Variants in ZNF200 observed in about 807,000 individuals in gnomAD.
The protein encoded by ZNF200 is zinc finger protein 200.
ZNF200 carries 35 observed loss-of-function variants against 33.6 expected under a neutral mutation model. The observed-to-expected ratio is 1.04, with a 90% CI of 0.80 to 1.38. The LOEUF (loss-of-function observed/expected upper bound fraction) is 1.38, where lower values mean the gene tolerates loss of function less well. ZNF200 is among the 40% of genes most tolerant of loss of function. The pLI, the probability that ZNF200 is intolerant of heterozygous loss-of-function variation, is 0.00. For synonymous variants in ZNF200, 209 were observed against 167.7 expected (o/e 1.25, Z -1.90); for missense variants, 592 against 470.6 (o/e 1.26, Z -2.39).
chr16:3,234,706 T>A (rs1015828469), intron 1 of ZNF200: 2 of 152,278 alleles, frequency 1.3e-5, no homozygotes, highest in African/African-American at 2.4e-5. Flanking sequence ...GGGGAGCAGA[T>A]GCAAGGCCGA....
At chr16:3,233,858 A>G in intron 1 of ZNF200, 22 bp from the exon 2 acceptor site, 7 of 1,502,388 alleles carry the variant, frequency 4.7e-6, no homozygotes, top group Non-Finnish European at 6.2e-6. Context: ...GAAACCAGGG[A>G]TTACCCAAAA....
Position 3,235,081 on chromosome 16 carries a change from G to A in ZNF200, c.-176C>T, listed in dbSNP as rs1958768522. ...AGAAAAACTAGGCGCGAGCGGTCGA[G>A]CCCTCCCCTCGCCCTTCCGAGTGCC... On this transcript the variant is annotated 5_prime_UTR_variant, in exon 1 of 5. Transcript: ENST00000414144. The A allele has an allele frequency of 6.6e-6, 1 of 152,330 alleles. No individual in the cohort carries two copies. The highest frequency in any genetic ancestry group is 1.9e-4 in the East Asian group (1 of 5,164). 9.4% of individuals were successfully genotyped at this position (152,330 alleles called of 1,614,324 possible).
At position 3,233,708 on chromosome 16, in the gene ZNF200, G is replaced by A. The variant is rs777353218; in HGVS notation, c.48C>T (p.Ser16=). The A allele has an allele frequency of 6.2e-7, 1 of 1,613,580 alleles. No homozygotes were observed. Among genetic ancestry groups the A allele is most frequent in the South Asian group, 1.1e-5 (1 of 91,058 alleles). The change falls in exon 2 of 5, where the codon TCC becomes TCT. Residue 16 remains serine (S), a synonymous_variant. Coordinates refer to ENST00000414144, the MANE Select transcript of ZNF200 (RefSeq NM_198088.3). ...AGTCTGGCGGAACTCTCAGTATAAA[G>A]GACTGCTTTGGCTTTGGGGGCATAG... The part of the protein sequence containing the change: ...VVPMPPKPKQ[S]FILRVPPDSK...
chr16:3,233,586 G>C lies in ZNF200; in HGVS notation c.170C>G (p.Pro57Arg), dbSNP rs1958704433. ...TTTCTGACTGGGCTGGACCAGGCTT[G>C]GCTTGGGCAAGAAGGTGAGGAAGTG... The part of the protein sequence containing the change: ...LEHFLTFLPK[P>R]SLVQPSQKVK... Residue 57 changes from proline (P) to arginine (R), a missense_variant, in exon 2 of 5, where the codon CCA becomes CGA. Transcript: ENST00000414144. 3.1e-6 allele frequency: 5 copies of C among 1,612,952 alleles called. No individual in the cohort carries two copies. In the East Asian group the frequency reaches 1.1e-4, roughly 36 times the overall value.
chr16:3,228,537 T>C (rs11865938), intron 4 of ZNF200, among the ~76,000 whole-genome samples: 81,234 of 151,764 alleles, frequency 0.54, 22,074 homozygotes, highest in South Asian at 0.72. Flanking sequence ...CTCTGTCCCC[T>C]AGGCTGGAGT....
intron 4 of ZNF200, among the ~76,000 whole-genome samples, chr16:3,228,587 C>T (rs766175256): frequency 3.9e-5 from 6 of 151,944 alleles, no homozygotes; most frequent in South Asian, 2.1e-4. Flanking sequence ...CTCTGCCTCC[C>T]GGGTTCAAGT....
At chr16:3,233,874 G>T in intron 1 of ZNF200, 38 bp from the exon 2 acceptor site, 1 of 1,485,390 alleles carries the variant, frequency 6.7e-7, no homozygotes, top group Non-Finnish European at 9.0e-7. Context: ...CAAAAGACCA[G>T]GCACGGCATT....
chr16:3,230,303 C>T (rs148534843), intron 4 of ZNF200, among the ~76,000 whole-genome samples: 3 of 152,208 alleles, frequency 2.0e-5, no homozygotes, highest in Admixed American at 1.3e-4. Context: ...ACAAAATGTA[C>T]TAAGACAGTT....
chr16:3,232,706 G>C, intron 3 of ZNF200, 127 bp downstream of exon 3: 1 of 1,413,910 alleles, frequency 7.1e-7, no homozygotes, highest in Non-Finnish European at 9.7e-7. Flanking sequence ...AGGCTGAGAA[G>C]GGCTCAAGGA....
Position 3,224,312 on chromosome 16 carries a change from C to T in ZNF200, c.768G>A (p.Leu256=). 6.2e-7 allele frequency: 1 copy of T among 1,614,170 alleles called. No homozygotes were observed. The highest frequency in any genetic ancestry group is 8.5e-7 in the Non-Finnish European group (1 of 1,180,024). ...RRTRRWYTCP[L]CGKQFNESSY... ...AACTTTCATTAAACTGTTTCCCACACAGTGGACAAGTGTACCATCTCCTTG... is the reference window on the plus strand; with the variant it reads ...AACTTTCATTAAACTGTTTCCCACATAGTGGACAAGTGTACCATCTCCTTG... The change falls in exon 5 of 5, where the codon CTG becomes CTA. Residue 256 remains leucine, a synonymous_variant. Transcript: ENST00000414144.
At chr16:3,230,034 CCTCAAAATAAT>C (rs886499531) in intron 4 of ZNF200, among the ~76,000 whole-genome samples, 1 of 152,190 alleles carries the variant, frequency 6.6e-6, no homozygotes, top group African/African-American at 2.4e-5. Context: ...CTTGATGCCA[CCTCAAAATAAT>C]AAGTGATTTC....
Position 3,224,307 on chromosome 16 carries a change from C to G in ZNF200, c.773G>C (p.Gly258Ala). The G allele has an allele frequency of 6.2e-7, 1 of 1,614,110 alleles. No homozygotes were observed. Among genetic ancestry groups the G allele is most frequent in the Non-Finnish European group, 8.5e-7 (1 of 1,180,012 alleles). Reference protein sequence around the residue: ...TRRWYTCPLCGKQFNESSYLI... With the variant: ...TRRWYTCPLCAKQFNESSYLI... ...GTAAGAACTTTCATTAAACTGTTTC[C>G]CACACAGTGGACAAGTGTACCATCT... Residue 258 changes from glycine to alanine, a missense_variant, in exon 5 of 5, where the codon GGG becomes GCG. By Grantham distance (60) the Gly-to-Ala change is moderately conservative. Transcript: ENST00000414144.
In ZNF200 at chr16:3,224,462, A is replaced by G. The variant is rs760906126; in HGVS notation, c.618T>C (p.Asn206=). 6.2e-7 allele frequency: 1 copy of G among 1,614,176 alleles called. No individual in the cohort carries two copies. Among genetic ancestry groups the G allele is most frequent in the Non-Finnish European group, 8.5e-7 (1 of 1,180,026 alleles). The change falls in exon 5 of 5, where the codon AAT becomes AAC. Residue 206 remains asparagine, a synonymous_variant. Transcript: ENST00000414144. ...TTTTCCTTTTTTGTGGAATGGATGT[A>G]TTTAGTCGTTCCTTTTCCTGGTTAT... ...PPDNQEKERL[N]TSIPQKRKMR...
In ZNF200 at chr16:3,233,557, T is replaced by C. The variant is rs1408819040; in HGVS notation, c.199A>G (p.Lys67Glu). 1.2e-6 allele frequency: 2 copies of C among 1,600,090 alleles called. No homozygotes were observed. The highest frequency in any genetic ancestry group is 2.7e-5 in the African/African-American group (2 of 74,428). Residue 67 changes from lysine (K) to glutamate (E), a missense_variant, in exon 2 of 5, where the codon AAG (lysine) becomes GAG (glutamate). Lys to Glu is a moderately conservative substitution (Grantham distance 56). Transcript: ENST00000414144. ...PSLVQPSQKV[K>E]ETLVIMKDVS... Reference sequence around the variant, plus strand: ...TCTTTCATAATAACCAAGGTCTCCTTGACTTTCTGACTGGGCTGGACCAGG... The same window carrying C: ...TCTTTCATAATAACCAAGGTCTCCTCGACTTTCTGACTGGGCTGGACCAGG...
chr16:3,234,323 C>T (rs1428732140), intron 1 of ZNF200: 3 of 152,344 alleles, frequency 2.0e-5, no homozygotes, highest in African/African-American at 7.3e-5. Flanking sequence ...TTGCTTGTGC[C>T]CAGGAGGTCG....
At chr16:3,228,225 T>G (rs923960657) in intron 4 of ZNF200, among the ~76,000 whole-genome samples, 9 of 152,196 alleles carry the variant, frequency 5.9e-5, no homozygotes, top group Non-Finnish European at 8.8e-5. Flanking sequence ...GCCAATGATT[T>G]CTGTTTATTC....
In ZNF200 at chr16:3,223,369, C is replaced by T. The variant is rs1265296755; in HGVS notation, c.*523G>A. ...TTCCTATATTCCAAAGTAAACAATT[C>T]CTTTCAACACTCAAGACTTAAACAG... On this transcript the variant is annotated 3_prime_UTR_variant, in exon 5 of 5. Transcript: ENST00000414144. The T allele has an allele frequency of 1.3e-5, 2 of 152,460 alleles. No individual in the cohort carries two copies. The highest frequency in any genetic ancestry group is 4.8e-5 in the African/African-American group (2 of 41,470). The allele number at this position is 152,460 out of a possible 1,614,324, so 9.4% of individuals were successfully genotyped here.
intron 4 of ZNF200, among the ~76,000 whole-genome samples, chr16:3,229,244 T>C (rs1368334582): frequency 1.3e-5 from 2 of 152,174 alleles, no homozygotes; most frequent in Non-Finnish European, 2.9e-5. Context: ...AGGACAAGTG[T>C]ATATCAGAAT....
At position 3,232,480 on chromosome 16, in the gene ZNF200, G is replaced by T. The variant is rs1490629044; in HGVS notation, c.407C>A (p.Thr136Asn). The T allele has an allele frequency of 1.2e-6, 2 of 1,614,096 alleles. No homozygotes were observed. The highest frequency in any genetic ancestry group is 1.7e-6 in the Non-Finnish European group (2 of 1,179,996). ...TTCCTTCTCTGACGTGAGTTGTTGA[G>T]TAGGATCCAAGCTCACACATTCTTC... ...CQEECVSLDP[T>N]QQLTSEKEDD... Residue 136 changes from threonine (T) to asparagine (N), a missense_variant, in exon 4 of 5, where the codon ACT becomes AAT. Transcript: ENST00000414144.
Sources: gnomAD v4.1 joint callset for allele counts (sites outside exome capture counted in the v4.1 genomes callset) on GRCh38, gnomAD v4.1.1 for gene constraint, MANE v1.5 for transcripts, NCBI Gene and HGNC (gene_info 2026-07-23, HGNC 2026-07-21) for gene names.